Variants in KLHL2 observed in about 807,000 individuals in gnomAD.
The protein encoded by KLHL2 is kelch like family member 2.
A neutral mutation model predicts 75.8 loss-of-function variants in KLHL2; 15 were observed. The observed-to-expected ratio is 0.20, with a 90% confidence interval of 0.13 to 0.30. The LOEUF is 0.30. Ranked by LOEUF, KLHL2 falls within the 10% of genes least tolerant of loss-of-function variation. The pLI is 1.00. For synonymous variants in KLHL2, 214 were observed against 251.9 expected, an observed-to-expected ratio of 0.85 and a Z score of 1.42; for missense variants, 381 against 741.0, an observed-to-expected ratio of 0.51 and a Z score of 5.64.
chr4:165,271,964 A>G lies in KLHL2; in HGVS notation c.544+8605A>G, dbSNP rs149259784. Among the ~76,000 whole-genome samples the G allele has an allele frequency of 7.9e-3, 1,205 of 152,268 alleles. 23 individuals carry two copies. Among genetic ancestry groups the G allele is most frequent in the African/African-American group, 0.027 (1,140 of 41,542 alleles). ...TGGGTAAGGGAGAATGCATGTGTGTATATATATGTGTGTCTCTGCCTGCAC... is the reference window on the plus strand; with the variant it reads ...TGGGTAAGGGAGAATGCATGTGTGTGTATATATGTGTGTCTCTGCCTGCAC... On this transcript the variant is annotated intron_variant, in intron 5 of 14. Transcript: ENST00000226725.
chr4:165,279,598 C>T (rs267600070), intron 5 of KLHL2: 1 of 1,609,984 alleles, frequency 6.2e-7, no homozygotes, highest in Non-Finnish European at 8.5e-7. Flanking sequence ...TGCCTTGGTC[C>T]ACTGCCCCCA....
intron 7 of KLHL2, 45 bp from the exon 8 acceptor site, chr4:165,299,462 G>T: frequency 6.7e-7 from 1 of 1,487,680 alleles, no homozygotes; most frequent in South Asian, 1.4e-5. Context: ...ATTTAATTAT[G>T]AAATAGCCCT....
intron 5 of KLHL2, among the ~76,000 whole-genome samples, chr4:165,277,005 A>G (rs1743173786): frequency 6.6e-6 from 1 of 152,186 alleles, no homozygotes; most frequent in Non-Finnish European, 1.5e-5. Context: ...ACAATAAAGT[A>G]TATTTTCTTT....
intron 5 of KLHL2, among the ~76,000 whole-genome samples, chr4:165,283,649 G>C (rs1215946987): frequency 6.6e-6 from 1 of 152,176 alleles, no homozygotes; most frequent in Admixed American, 6.5e-5. Flanking sequence ...CAGGCACATG[G>C]TGCAGGCTAT....
At position 165,212,404 on chromosome 4, in the gene KLHL2, A is replaced by G. The variant is rs1737249636; in HGVS notation, c.26+4502A>G. 2.0e-5 allele frequency among the ~76,000 whole-genome samples: 3 copies of G among 152,278 alleles called. No individual in the cohort carries two copies. The South Asian group carries it at 6.2e-4, about 32-fold the overall frequency. ...AATAGCAAGCACAAAGGCATTCTTG[A>G]ATTCTTCCCCTGATGAGATAATTGC... On this transcript the variant is annotated intron_variant, in intron 1 of 14. Transcript: ENST00000226725.
At chr4:165,262,085 ACT>A (rs893040445) in intron 4 of KLHL2, among the ~76,000 whole-genome samples, 1 of 151,976 alleles carries the variant, frequency 6.6e-6, no homozygotes, top group African/African-American at 2.4e-5. Flanking sequence ...TTTATATAAC[ACT>A]GTAATAATTC....
intron 13 of KLHL2, among the ~76,000 whole-genome samples, chr4:165,317,120 C>T (rs1579194594): frequency 6.6e-6 from 1 of 151,396 alleles, no homozygotes; most frequent in Non-Finnish European, 1.5e-5. Flanking sequence ...GCTAACCATT[C>T]AGTGTGATAA....
rs182094547 is a variant in KLHL2 at position 165,222,285 on chromosome 4, C to T, written c.152+2226C>T. 1.0e-3 allele frequency among the ~76,000 whole-genome samples: 155 copies of T among 152,246 alleles called. 1 individual carries two copies. Among genetic ancestry groups the T allele is most frequent in the African/African-American group, 3.6e-3 (149 of 41,532 alleles). ...AGGTTCAGTGCTGCTCTGACATTCT[C>T]AGCCTAGAGATGTTTTTCCTGCTTA... On this transcript the variant is annotated intron_variant, in intron 2 of 14. Transcript: ENST00000226725.
In KLHL2 at chr4:165,263,802, ATTGTTTTT is replaced by A. The variant is rs1466514351; in HGVS notation, c.544+446_544+453del. ...AGTTATTTTAGCTCTGATTTTTTAC[ATTGTTTTT>A]TTTTTTTTTTTTTTTTTTTGCATCC... On this transcript the variant is annotated intron_variant, in intron 5 of 14. Coordinates refer to ENST00000226725, the MANE Select transcript of KLHL2 (RefSeq NM_007246.4). Among the ~76,000 whole-genome samples, 576 of 93,530 alleles carry A rather than the reference ATTGTTTTT, an allele frequency of 6.2e-3. 14 individuals carry two copies. The highest frequency in any genetic ancestry group is 0.019 in the African/African-American group (538 of 28,336). The allele number at this position is 93,530 out of a possible 152,430, so 61.4% of individuals were successfully genotyped here.
At chr4:165,288,699 G>C (rs1744275816) in intron 5 of KLHL2, among the ~76,000 whole-genome samples, 1 of 152,068 alleles carries the variant, frequency 6.6e-6, no homozygotes, top group African/African-American at 2.4e-5. Context: ...ATAACTCAGA[G>C]TGTGTCATTT....
At chr4:165,299,404 G>A in intron 7 of KLHL2, 103 bp from the exon 8 acceptor site, 1 of 1,022,754 alleles carries the variant, frequency 9.8e-7, no homozygotes, top group South Asian at 1.9e-5. Context: ...TAAACTAAAG[G>A]ATATAGTTAC....
At position 165,303,495 on chromosome 4, in the gene KLHL2, C is replaced by CCCCCCCCT. The variant is rs1553963722; in HGVS notation, c.922-2106_922-2105insTCCCCCCC. 5.2e-5 allele frequency among the ~76,000 whole-genome samples: 4 copies of CCCCCCCCT among 77,442 alleles called. 1 individual carries two copies. The highest frequency in any genetic ancestry group is 1.1e-4 in the Non-Finnish European group (4 of 37,558). The allele number at this position is 77,442 out of a possible 152,430, so 50.8% of individuals were successfully genotyped here. A position where few individuals can be genotyped will look rare whatever the true frequency, so the allele number is the denominator to read the frequency against. On this transcript the variant is annotated intron_variant, in intron 8 of 14. Coordinates refer to ENST00000226725, the MANE Select transcript of KLHL2 (RefSeq NM_007246.4). ...CAATTCTGTAATTTTTACAACCTTGCCCCCCCCGCCGTTTTTGGGTGGTCA... is the reference window on the plus strand; with the variant it reads ...CAATTCTGTAATTTTTACAACCTTGCCCCCCCCTCCCCCCCGCCGTTTTTGGGTGGTCA...
At chr4:165,264,605 T>TATATATATATATATATACAC (rs757273597) in intron 5 of KLHL2, among the ~76,000 whole-genome samples, 3 of 124,130 alleles carry the variant, frequency 2.4e-5, no homozygotes, top group African/African-American at 6.2e-5. Context: ...TATATATATA[T>TATATATATATATATATACAC]ACACACACAC....
At chr4:165,276,628 A>C (rs1743135684) in intron 5 of KLHL2, among the ~76,000 whole-genome samples, 1 of 151,696 alleles carries the variant, frequency 6.6e-6, no homozygotes, top group South Asian at 2.1e-4. Flanking sequence ...ATATTTTGAG[A>C]AATTCTTGGT....
chr4:165,278,348 A>G, intron 5 of KLHL2: 1 of 1,181,944 alleles, frequency 8.5e-7, no homozygotes, highest in Non-Finnish European at 1.3e-6. Context: ...CTGCATAAGA[A>G]TTTTGTTGCT....
chr4:165,255,065 C>T (rs1441122309), intron 4 of KLHL2, among the ~76,000 whole-genome samples: 3 of 152,168 alleles, frequency 2.0e-5, no homozygotes, highest in African/African-American at 7.2e-5. Flanking sequence ...CTTCATTATC[C>T]ATTTGAGCCA....
intron 1 of KLHL2, among the ~76,000 whole-genome samples, chr4:165,210,890 A>G (rs1008159925): frequency 6.6e-6 from 1 of 152,144 alleles, no homozygotes. Context: ...TCTTCTTGGC[A>G]CTTGTTTTTT....
At chr4:165,246,043 G>A (rs1463281306) in intron 4 of KLHL2, among the ~76,000 whole-genome samples, 1 of 152,102 alleles carries the variant, frequency 6.6e-6, no homozygotes, top group Non-Finnish European at 1.5e-5. Flanking sequence ...GGGTAGGGAC[G>A]AGACAGATAA....
chr4:165,249,325 T>G (rs529551077), intron 4 of KLHL2, among the ~76,000 whole-genome samples: 1 of 152,354 alleles, frequency 6.6e-6, no homozygotes, highest in South Asian at 2.1e-4. Context: ...GATCTTAAAC[T>G]AATTTTCAGT....
Sources: allele counts gnomAD v4.1 joint callset (sites outside exome capture counted in the v4.1 genomes callset), GRCh38; gene constraint gnomAD v4.1.1; transcripts MANE v1.5; gene names NCBI Gene and HGNC (gene_info 2026-07-23, HGNC 2026-07-21).